Variants in FSHR observed in about 807,000 individuals in gnomAD.
FSHR encodes follicle-stimulating hormone receptor.
In FSHR, 46 loss-of-function variants were observed where a neutral mutation model predicts 52.1. The ratio of observed to expected loss-of-function variants is 0.88; its 90% CI spans 0.70 to 1.13. The LOEUF is 1.13. Among genes scored for constraint, FSHR ranks in the 50% most tolerant of loss-of-function variants. The pLI is 0.00. For missense variants in FSHR, 964 were observed against 834.6 expected (o/e 1.16, Z -1.91); for synonymous variants, 399 against 309.6 (o/e 1.29, Z -3.03).
At chr2:49,097,928 T>A (rs1670886248) in intron 1 of FSHR, among the ~76,000 whole-genome samples, 1 of 150,768 alleles carries the variant, frequency 6.6e-6, no homozygotes, top group African/African-American at 2.4e-5. Flanking sequence ...TCTTATAAAT[T>A]TATACTCTCT....
At chr2:48,972,105 G>A (rs1034061419) in intron 8 of FSHR, among the ~76,000 whole-genome samples, 1 of 151,840 alleles carries the variant, frequency 6.6e-6, no homozygotes, top group Non-Finnish European at 1.5e-5. Context: ...TAATATGCAG[G>A]TCAGACTTTG....
chr2:49,045,323 C>T (rs1244202175), intron 2 of FSHR, among the ~76,000 whole-genome samples: 2 of 152,164 alleles, frequency 1.3e-5, no homozygotes, highest in East Asian at 3.9e-4. Flanking sequence ...ATCTTAGGTC[C>T]ACCCAGACCT....
chr2:49,093,846 C>T (rs372147753), intron 1 of FSHR, among the ~76,000 whole-genome samples: 24 of 152,204 alleles, frequency 1.6e-4, no homozygotes, highest in African/African-American at 4.8e-4. Flanking sequence ...ATCCATCCAC[C>T]TTGGCCTTCC....
chr2:49,124,310 G>T (rs372119266), intron 1 of FSHR, among the ~76,000 whole-genome samples: 17 of 151,976 alleles, frequency 1.1e-4, no homozygotes, highest in African/African-American at 3.9e-4. Context: ...TTCTTTAAGT[G>T]TAAGTTTTTA....
At chr2:49,037,720 G>C (rs536457020) in intron 2 of FSHR, among the ~76,000 whole-genome samples, 2 of 152,046 alleles carry the variant, frequency 1.3e-5, no homozygotes, top group African/African-American at 4.8e-5. Context: ...AAATGGATGA[G>C]GCAATCACTC....
At chr2:49,115,379 G>T in intron 1 of FSHR, among the ~76,000 whole-genome samples, 1 of 152,086 alleles carries the variant, frequency 6.6e-6, no homozygotes, top group Non-Finnish European at 1.5e-5. Context: ...CTTCTATGGA[G>T]CAGACACTAT....
chr2:49,111,882 A>T (rs527471066), intron 1 of FSHR, among the ~76,000 whole-genome samples: 2 of 152,168 alleles, frequency 1.3e-5, no homozygotes, highest in African/African-American at 4.8e-5. Context: ...TGTCTTTACA[A>T]AGTGATTCCA....
chr2:48,988,738 C>A (rs1281823546), intron 6 of FSHR, among the ~76,000 whole-genome samples: 1 of 152,132 alleles, frequency 6.6e-6, no homozygotes. Context: ...CACAGGAGAT[C>A]ATCATTCAAA....
At chr2:49,035,398 C>T (rs1171800662) in intron 2 of FSHR, among the ~76,000 whole-genome samples, 1 of 152,204 alleles carries the variant, frequency 6.6e-6, no homozygotes, top group Non-Finnish European at 1.5e-5. Flanking sequence ...TAACATCATG[C>T]CCATCCAAGG....
intron 4 of FSHR, among the ~76,000 whole-genome samples, chr2:48,994,461 G>A (rs1309487796): frequency 6.6e-6 from 1 of 152,114 alleles, no homozygotes; most frequent in Non-Finnish European, 1.5e-5. Context: ...TATTCCAGTA[G>A]TGCTGAGTTT....
At chr2:49,085,550 G>T (rs531378234) in intron 1 of FSHR, among the ~76,000 whole-genome samples, 2 of 152,306 alleles carry the variant, frequency 1.3e-5, no homozygotes, top group Admixed American at 1.3e-4. Flanking sequence ...AATAGGTGTG[G>T]TGTGGTGATT....
intron 2 of FSHR, among the ~76,000 whole-genome samples, chr2:49,038,865 T>C (rs1170228117): frequency 2.0e-5 from 3 of 152,104 alleles, no homozygotes; most frequent in African/African-American, 7.2e-5. Context: ...TATAACATAA[T>C]ATGAATAGAA....
chr2:48,971,032 A>G (rs1351419368), intron 8 of FSHR, among the ~76,000 whole-genome samples: 1 of 152,184 alleles, frequency 6.6e-6, no homozygotes, highest in Non-Finnish European at 1.5e-5. Context: ...CAATCTTAGT[A>G]CTGCAGATAT....
intron 1 of FSHR, among the ~76,000 whole-genome samples, chr2:49,126,746 A>G (rs1223522453): frequency 6.6e-6 from 1 of 152,190 alleles, no homozygotes; most frequent in Non-Finnish European, 1.5e-5. Flanking sequence ...TTATGTAATG[A>G]TGTGCTCTTC....
chr2:49,075,173 A>G (rs370678880), intron 1 of FSHR, among the ~76,000 whole-genome samples: 8 of 152,126 alleles, frequency 5.3e-5, no homozygotes, highest in African/African-American at 1.7e-4. Context: ...TGCAAATCAT[A>G]AAGAAGGATA....
chr2:49,067,382 G>A (rs765136355), intron 2 of FSHR, among the ~76,000 whole-genome samples: 2 of 152,088 alleles, frequency 1.3e-5, no homozygotes. Context: ...TAAAGTTAAT[G>A]ACTTCAAGAA....
chr2:49,029,682 C>A (rs557970144), intron 2 of FSHR, among the ~76,000 whole-genome samples: 2 of 152,278 alleles, frequency 1.3e-5, no homozygotes, highest in East Asian at 3.9e-4. Flanking sequence ...TAGTGTTATG[C>A]AAAGGTCGTG....
chr2:48,981,854 GCTAA>G (rs1675261632), intron 8 of FSHR, among the ~76,000 whole-genome samples: 1 of 152,162 alleles, frequency 6.6e-6, no homozygotes, highest in Admixed American at 6.5e-5. Context: ...GGTAGCCTAT[GCTAA>G]CTGCCAAATA....
intron 1 of FSHR, among the ~76,000 whole-genome samples, chr2:49,094,738 A>T (rs374727730): frequency 3.8e-4 from 58 of 152,280 alleles, no homozygotes; most frequent in Non-Finnish European, 6.9e-4. Context: ...TCCAGTCAGT[A>T]ACTTAAACTT....
Sources: gnomAD v4.1 joint callset for allele counts (sites outside exome capture counted in the v4.1 genomes callset) on GRCh38, gnomAD v4.1.1 for gene constraint, MANE v1.5 for transcripts, NCBI Gene and HGNC (gene_info 2026-07-23, HGNC 2026-07-21) for gene names.